The following DDAH1 variants were observed in gnomAD, a reference collection of about 807,000 sequenced individuals.
DDAH1 encodes the protein dimethylarginine dimethylaminohydrolase 1.
DDAH1 carries 19 observed loss-of-function variants against 28.8 expected under a neutral mutation model. The ratio of observed to expected loss-of-function variants is 0.66; its 90% CI spans 0.46 to 0.97. DDAH1 has a LOEUF of 0.97. DDAH1 is among the 50% of genes least tolerant of loss of function. The probability of loss-of-function intolerance (pLI) is 0.00; values close to 1 mark genes in which losing one functional copy is unlikely to be tolerated. For missense variants in DDAH1, 326 were observed against 375.9 expected, an observed-to-expected ratio of 0.87 and a Z score of 1.10; for synonymous variants, 153 against 154.4, an observed-to-expected ratio of 0.99 and a Z score of 0.07.
chr1:85,393,682 T>C (rs1483274820), intron 1 of DDAH1, among the ~76,000 whole-genome samples: 1 of 152,212 alleles, frequency 6.6e-6, no homozygotes, highest in Non-Finnish European at 1.5e-5. Flanking sequence ...ATAGTACTTT[T>C]CCTGCCCATC....
At chr1:85,417,077 A>AT (rs1652920803) in intron 1 of DDAH1, among the ~76,000 whole-genome samples, 1 of 152,318 alleles carries the variant, frequency 6.6e-6, no homozygotes, top group African/African-American at 2.4e-5. Flanking sequence ...TTAGAAAACC[A>AT]TTTTTTGTGG....
chr1:85,519,298 G>A (rs1168591500), intron 1 of DDAH1, among the ~76,000 whole-genome samples: 1 of 151,882 alleles, frequency 6.6e-6, no homozygotes, highest in Admixed American at 6.6e-5. Flanking sequence ...GGGTTTCACC[G>A]TGTTAGCCAG....
intron 1 of DDAH1, among the ~76,000 whole-genome samples, chr1:85,538,269 T>G (rs531023782): frequency 6.6e-6 from 1 of 152,204 alleles, no homozygotes; most frequent in Non-Finnish European, 1.5e-5. Flanking sequence ...CTGAATGGTA[T>G]GGTATGGAAA....
chr1:85,480,723 G>A (rs746481436), intron 2 of DDAH1, among the ~76,000 whole-genome samples: 15 of 152,034 alleles, frequency 9.9e-5, no homozygotes, highest in Non-Finnish European at 2.2e-4. Flanking sequence ...CAACCTGGGC[G>A]ATAGAGCAAG....
At chr1:85,364,893 G>A (rs1405069736) in intron 1 of DDAH1, among the ~76,000 whole-genome samples, 2 of 152,110 alleles carry the variant, frequency 1.3e-5, no homozygotes, top group Non-Finnish European at 1.5e-5. Context: ...AAAAGGGATC[G>A]AACAGACATT....
chr1:85,342,511 G>A (rs1648567469), intron 4 of DDAH1, among the ~76,000 whole-genome samples: 1 of 151,902 alleles, frequency 6.6e-6, no homozygotes, highest in East Asian at 1.9e-4. Flanking sequence ...ATTTTAATGA[G>A]GAATTTTAGC....
Position 85,532,799 on chromosome 1 carries a change from G to T in DDAH1, c.-122-36518C>A, listed in dbSNP as rs1177800562. On this transcript the variant is annotated intron_variant, in intron 1 of 6. Transcript: ENST00000426972. ...TTAACAAAGTGATCATTTGCTTTTT[G>T]CAACCCTTCATTAGAAAGTATATGA... Among the ~76,000 whole-genome samples, 4 of 152,198 alleles carry T rather than the reference G, an allele frequency of 2.6e-5. No homozygotes were observed. In the East Asian group the frequency reaches 5.8e-4, roughly 22 times the overall value.
chr1:85,510,100 A>T (rs979122231), intron 1 of DDAH1, among the ~76,000 whole-genome samples: 1 of 152,202 alleles, frequency 6.6e-6, no homozygotes, highest in Non-Finnish European at 1.5e-5. Flanking sequence ...AGCCGAAGAG[A>T]AAGGTCAAGT....
chr1:85,323,842 T>G (rs1450577064), intron 5 of DDAH1, among the ~76,000 whole-genome samples: 1 of 151,898 alleles, frequency 6.6e-6, no homozygotes, highest in African/African-American at 2.4e-5. Flanking sequence ...TAATGGTGCA[T>G]GCTTGTAGTC....
At chr1:85,572,673 G>C (rs1295790870) in intron 1 of DDAH1, among the ~76,000 whole-genome samples, 1 of 152,318 alleles carries the variant, frequency 6.6e-6, no homozygotes, top group African/African-American at 2.4e-5. Context: ...CCAAGTGTCA[G>C]CCGGCACTAA....
intron 1 of DDAH1, among the ~76,000 whole-genome samples, chr1:85,560,854 A>G (rs1440028119): frequency 6.6e-6 from 1 of 152,126 alleles, no homozygotes; most frequent in Non-Finnish European, 1.5e-5. Context: ...ATATTAATGT[A>G]TAAACATTAA....
intron 1 of DDAH1, among the ~76,000 whole-genome samples, chr1:85,563,718 T>G (rs985348502): frequency 5.9e-5 from 9 of 152,052 alleles, no homozygotes; most frequent in African/African-American, 2.2e-4. Flanking sequence ...GTAAACAGAC[T>G]CAGAAATGAC....
chr1:85,477,323 C>T (rs17127783), intron 2 of DDAH1, among the ~76,000 whole-genome samples: 17,953 of 152,118 alleles, frequency 0.12, 1,343 homozygotes, highest in East Asian at 0.19. Flanking sequence ...TCCATAAATA[C>T]GTGCCTCCCC....
chr1:85,544,409 A>C (rs1035284463), intron 1 of DDAH1, among the ~76,000 whole-genome samples: 4 of 152,106 alleles, frequency 2.6e-5, no homozygotes, highest in African/African-American at 9.7e-5. Flanking sequence ...ATTGCATTTA[A>C]CTCTACATTT....
intron 1 of DDAH1, among the ~76,000 whole-genome samples, chr1:85,526,540 A>G (rs1266802571): frequency 2.0e-5 from 3 of 152,008 alleles, no homozygotes; most frequent in African/African-American, 4.8e-5. Flanking sequence ...TATTTCATGG[A>G]GTGAGAATTG....
chr1:85,434,743 T>G (rs971990824), intron 1 of DDAH1, among the ~76,000 whole-genome samples: 2 of 152,178 alleles, frequency 1.3e-5, no homozygotes, highest in Admixed American at 6.6e-5. Flanking sequence ...CCAAACACTA[T>G]CCCTTCTTTT....
chr1:85,354,348 A>AT (rs965185381), intron 2 of DDAH1, among the ~76,000 whole-genome samples: 7 of 151,982 alleles, frequency 4.6e-5, no homozygotes, highest in Admixed American at 4.6e-4. Context: ...TCATTCATAT[A>AT]TTTTTTTAAT....
intron 4 of DDAH1, among the ~76,000 whole-genome samples, chr1:85,329,501 C>A (rs1262840828): frequency 6.6e-6 from 1 of 152,166 alleles, no homozygotes; most frequent in African/African-American, 2.4e-5. Context: ...CATTCCTATA[C>A]TTACTAACAT....
At chr1:85,453,749 A>C (rs1654764008) in intron 1 of DDAH1, among the ~76,000 whole-genome samples, 1 of 152,230 alleles carries the variant, frequency 6.6e-6, no homozygotes, top group South Asian at 2.1e-4. Context: ...TTGGCAGAGA[A>C]AACTAAATTT....
Sources: gnomAD v4.1 joint callset for allele counts (sites outside exome capture counted in the v4.1 genomes callset) on GRCh38, gnomAD v4.1.1 for gene constraint, MANE v1.5 for transcripts, NCBI Gene and HGNC (gene_info 2026-07-23, HGNC 2026-07-21) for gene names.